The following THRB variants were observed in gnomAD, a reference collection of about 807,000 sequenced individuals.
The protein encoded by THRB is nuclear receptor subfamily 1 group A member 2.
A neutral mutation model predicts 47.8 loss-of-function variants in THRB; 12 were observed. That is an observed-to-expected ratio of 0.25 (90% CI 0.16 to 0.41). The LOEUF (loss-of-function observed/expected upper bound fraction) is 0.41, where lower values mean the gene tolerates loss of function less well. Among genes scored for constraint, THRB ranks in the 10% least tolerant of loss-of-function variants. The pLI is 1.00. For synonymous variants in THRB, 218 were observed against 212.2 expected, an observed-to-expected ratio of 1.03 and a Z score of -0.24; for missense variants, 348 against 589.2, an observed-to-expected ratio of 0.59 and a Z score of 4.24.
At chr3:24,381,406 G>C (rs933306758) in intron 1 of THRB, among the ~76,000 whole-genome samples, 1 of 152,124 alleles carries the variant, frequency 6.6e-6, no homozygotes, top group Non-Finnish European at 1.5e-5. Flanking sequence ...GCAGGACTCT[G>C]AGGGGTCAGT....
At chr3:24,490,367 C>T (rs1360725634) in intron 1 of THRB, among the ~76,000 whole-genome samples, 4 of 152,316 alleles carry the variant, frequency 2.6e-5, no homozygotes, top group Non-Finnish European at 5.9e-5. Flanking sequence ...AGGCAGCAAA[C>T]GTTCACTCTG....
In THRB at chr3:24,284,641, G is replaced by A. The variant is rs562100358; in HGVS notation, c.-43+12585C>T. On this transcript the variant is annotated intron_variant, in intron 3 of 10. Transcript: ENST00000646209. ...AAAGAAACTACCATCAGAGTGAACA[G>A]GCAACCTACAGAATGGGAGAAAATT... 1.3e-4 allele frequency among the ~76,000 whole-genome samples: 19 copies of A among 149,824 alleles called. No homozygotes were observed. The East Asian group carries it at 3.7e-3, about 29-fold the overall frequency.
At chr3:24,348,109 T>C (rs1054901890) in intron 1 of THRB, among the ~76,000 whole-genome samples, 3 of 152,184 alleles carry the variant, frequency 2.0e-5, no homozygotes, top group African/African-American at 7.2e-5. Context: ...GACCGAATCC[T>C]GAGATAATTT....
At position 24,280,154 on chromosome 3, in the gene THRB, G is replaced by A. The variant is rs148920507; in HGVS notation, c.-43+17072C>T. On this transcript the variant is annotated intron_variant, in intron 3 of 10. Coordinates refer to ENST00000646209, the MANE Select transcript of THRB (RefSeq NM_001354712.2). The stretch of plus-strand genomic sequence containing the variant: ...AGCTCTGGTCTACAGCTCCCAGCCT[G>A]AGCGACGCAGAAGATGGGTGATTTC... 8.3e-3 allele frequency among the ~76,000 whole-genome samples: 1,268 copies of A among 152,314 alleles called. 17 individuals carry two copies. The highest frequency in any genetic ancestry group is 0.028 in the African/African-American group (1,183 of 41,558).
intron 3 of THRB, among the ~76,000 whole-genome samples, chr3:24,285,704 C>T (rs952948361): frequency 3.9e-5 from 6 of 152,068 alleles, no homozygotes; most frequent in Admixed American, 3.3e-4. Flanking sequence ...AACTAAAATG[C>T]CCAAGAAAAC....
At chr3:24,387,302 T>G (rs1056704943) in intron 1 of THRB, among the ~76,000 whole-genome samples, 1 of 152,126 alleles carries the variant, frequency 6.6e-6, no homozygotes, top group Non-Finnish European at 1.5e-5. Flanking sequence ...ACCTGGACAG[T>G]AGATTAAAGT....
At chr3:24,130,980 C>G (rs78307096) in intron 9 of THRB, among the ~76,000 whole-genome samples, 3,313 of 152,218 alleles carry the variant, frequency 0.022, 76 homozygotes, top group East Asian at 0.14. Context: ...CTATGTCCTC[C>G]CATTGAAGGT....
In THRB at chr3:24,188,638, C is replaced by T. The variant is rs540582919; in HGVS notation, c.283+1436G>A. On this transcript the variant is annotated intron_variant, in intron 5 of 10. Transcript: ENST00000646209. The stretch of plus-strand genomic sequence containing the variant: ...CTAGAGTTTTCTGTTGGCGTTTCAC[C>T]GTAAACTGACATGGTTTTAGTGCCA... 3.3e-5 allele frequency among the ~76,000 whole-genome samples: 5 copies of T among 151,922 alleles called. No individual in the cohort carries two copies. The South Asian group carries it at 6.3e-4, about 19-fold the overall frequency.
intron 10 of THRB, among the ~76,000 whole-genome samples, chr3:24,125,792 G>T (rs1575250158): frequency 6.6e-6 from 1 of 152,110 alleles, no homozygotes; most frequent in Admixed American, 6.5e-5. Flanking sequence ...GGGAATCTTA[G>T]ATTATGTAAT....
intron 4 of THRB, among the ~76,000 whole-genome samples, chr3:24,210,270 T>G (rs937555742): frequency 6.6e-6 from 1 of 152,204 alleles, no homozygotes; most frequent in African/African-American, 2.4e-5. Flanking sequence ...ACTGCCAAAG[T>G]GAGGAAACTG....
At chr3:24,238,061 G>A (rs1040945612) in intron 3 of THRB, 1 of 152,028 alleles carries the variant, frequency 6.6e-6, no homozygotes, top group African/African-American at 2.4e-5. Context: ...TCTACAGGTG[G>A]ACTATCATCT....
intron 4 of THRB, among the ~76,000 whole-genome samples, chr3:24,215,984 A>C (rs2046523273): frequency 6.6e-6 from 1 of 152,186 alleles, no homozygotes; most frequent in Admixed American, 6.5e-5. Flanking sequence ...TTAGAAATAA[A>C]ATTCTGTTGT....
chr3:24,440,024 G>T (rs2071378095), intron 1 of THRB, among the ~76,000 whole-genome samples: 1 of 152,150 alleles, frequency 6.6e-6, no homozygotes, highest in Admixed American at 6.5e-5. Context: ...TTAACTTCAT[G>T]ATTTAAATAA....
intron 3 of THRB, among the ~76,000 whole-genome samples, chr3:24,238,302 T>TGTGTATGTGG (rs2049123526): frequency 5.3e-5 from 4 of 75,790 alleles, no homozygotes; most frequent in African/African-American, 9.6e-5. Context: ...GTGTGTGGGG[T>TGTGTATGTGG]GTGTGTGTGA....
intron 4 of THRB, among the ~76,000 whole-genome samples, chr3:24,196,592 C>A (rs1254996081): frequency 6.6e-6 from 1 of 152,062 alleles, no homozygotes; most frequent in Non-Finnish European, 1.5e-5. Flanking sequence ...AGCATTCCCC[C>A]CACCCCAAAA....
chr3:24,419,409 C>A (rs1488071388), intron 1 of THRB, among the ~76,000 whole-genome samples: 1 of 151,820 alleles, frequency 6.6e-6, no homozygotes, highest in East Asian at 2.0e-4. Flanking sequence ...TACTTAAGGA[C>A]CTCTCTCCAG....
chr3:24,188,841 T>C (rs2042948573), intron 5 of THRB, among the ~76,000 whole-genome samples: 1 of 98,886 alleles, frequency 1.0e-5, no homozygotes, highest in Non-Finnish European at 1.9e-5. Flanking sequence ...GCCCTTTCAA[T>C]TTCTCAGATC....
intron 1 of THRB, among the ~76,000 whole-genome samples, chr3:24,446,585 G>T (rs1455991785): frequency 8.3e-6 from 1 of 121,130 alleles, no homozygotes; most frequent in East Asian, 2.6e-4. Flanking sequence ...AAGAAAGAAA[G>T]AAATATACTT....
chr3:24,446,205 C>T (rs763617767), intron 1 of THRB, among the ~76,000 whole-genome samples: 2 of 152,130 alleles, frequency 1.3e-5, no homozygotes, highest in Non-Finnish European at 2.9e-5. Flanking sequence ...GAAGCCTTCG[C>T]CTTTTATGTT....
Sources: allele counts gnomAD v4.1 joint callset (sites outside exome capture counted in the v4.1 genomes callset), GRCh38; gene constraint gnomAD v4.1.1; transcripts MANE v1.5; gene names NCBI Gene and HGNC (gene_info 2026-07-23, HGNC 2026-07-21).